TRHDE: variants seen among roughly 807,000 people sequenced by gnomAD.
The protein encoded by TRHDE is thyrotropin-releasing hormone-degrading ectoenzyme.
Under a neutral mutation model 125.7 loss-of-function variants are expected in TRHDE, and 72 were observed. That is an observed-to-expected ratio of 0.57 (90% CI 0.47 to 0.70). The LOEUF is 0.70. Among genes scored for constraint, TRHDE ranks in the 30% least tolerant of loss-of-function variants. TRHDE has a pLI of 0.00. For synonymous variants in TRHDE, 509 were observed against 509.1 expected (o/e 1.00, Z 0.00); for missense variants, 1,110 against 1,327.1 (o/e 0.84, Z 2.54).
At chr12:72,620,298 G>A (rs1872989897) in intron 13 of TRHDE, among the ~76,000 whole-genome samples, 1 of 148,074 alleles carries the variant, frequency 6.8e-6, no homozygotes, top group Admixed American at 6.8e-5. Flanking sequence ...ATTAAAGTGA[G>A]GGAGAGCCAA....
intron 12 of TRHDE, among the ~76,000 whole-genome samples, chr12:72,605,641 G>A (rs1326315448): frequency 2.0e-5 from 3 of 152,036 alleles, no homozygotes; most frequent in African/African-American, 7.2e-5. Flanking sequence ...CTCTAATTTG[G>A]AATACAGCAT....
At chr12:72,551,218 A>G (rs774925686) in intron 7 of TRHDE, among the ~76,000 whole-genome samples, 1 of 152,100 alleles carries the variant, frequency 6.6e-6, no homozygotes, top group African/African-American at 2.4e-5. Context: ...ACATGTTTTG[A>G]ACCTGGTTTA....
intron 5 of TRHDE, among the ~76,000 whole-genome samples, chr12:72,485,440 G>A (rs1877357504): frequency 1.3e-5 from 2 of 152,078 alleles, no homozygotes; most frequent in South Asian, 4.1e-4. Context: ...CCAGCAGCTG[G>A]TGCACCCACC....
At chr12:72,408,087 G>T (rs1873338887) in intron 3 of TRHDE, among the ~76,000 whole-genome samples, 1 of 152,202 alleles carries the variant, frequency 6.6e-6, no homozygotes, top group African/African-American at 2.4e-5. Flanking sequence ...GCATCACATT[G>T]TGACAGAGCA....
At chr12:72,563,150 T>C (rs1399754068) in intron 9 of TRHDE, 110 bp downstream of exon 9, 4 of 821,540 alleles carry the variant, frequency 4.9e-6, no homozygotes, top group Admixed American at 6.0e-5. Flanking sequence ...AAGTGAAATA[T>C]AGTTTTTGTT....
At chr12:72,316,439 C>T (rs948027557) in intron 2 of TRHDE, among the ~76,000 whole-genome samples, 18 of 152,080 alleles carry the variant, frequency 1.2e-4, no homozygotes, top group Admixed American at 1.2e-3. Flanking sequence ...GCTTATGTCC[C>T]AGCGACTTTT....
At chr12:72,486,025 C>T (rs10879433) in intron 5 of TRHDE, among the ~76,000 whole-genome samples, 14,850 of 152,220 alleles carry the variant, frequency 0.098, 1,007 homozygotes, top group African/African-American at 0.18. Flanking sequence ...ACCTCATACC[C>T]CACTGTGTTT....
intron 2 of TRHDE, among the ~76,000 whole-genome samples, chr12:72,244,149 T>C (rs1265995340): frequency 6.6e-6 from 1 of 152,194 alleles, no homozygotes. Context: ...TGTTTGCACA[T>C]TGGTGTATAG....
intron 2 of TRHDE, among the ~76,000 whole-genome samples, chr12:72,298,138 T>C (rs1448141278): frequency 1.3e-5 from 2 of 152,208 alleles, no homozygotes; most frequent in East Asian, 3.9e-4. Context: ...TAATAGAAGC[T>C]AATAGAAAGA....
intron 3 of TRHDE, among the ~76,000 whole-genome samples, chr12:72,408,601 T>C (rs984875434): frequency 1.3e-5 from 2 of 152,136 alleles, no homozygotes; most frequent in Non-Finnish European, 2.9e-5. Context: ...AAAGACTTGA[T>C]ATTATGATTA....
intron 12 of TRHDE, among the ~76,000 whole-genome samples, chr12:72,580,895 C>T (rs534819865): frequency 6.6e-6 from 1 of 152,242 alleles, no homozygotes; most frequent in South Asian, 2.1e-4. Context: ...TATATACATT[C>T]TATGAATAAA....
At chr12:72,200,013 G>A (rs1877523226) in intron 2 of TRHDE, among the ~76,000 whole-genome samples, 1 of 152,102 alleles carries the variant, frequency 6.6e-6, no homozygotes, top group African/African-American at 2.4e-5. Context: ...ATTTTAGTGG[G>A]GATGTATGTG....
intron 2 of TRHDE, among the ~76,000 whole-genome samples, chr12:72,372,077 T>C (rs1400755645): frequency 1.3e-5 from 2 of 152,128 alleles, no homozygotes; most frequent in Non-Finnish European, 2.9e-5. Flanking sequence ...TTTTAATGAT[T>C]GCCATTCTAA....
At chr12:72,547,405 G>A (rs1869469795) in intron 7 of TRHDE, among the ~76,000 whole-genome samples, 1 of 151,644 alleles carries the variant, frequency 6.6e-6, no homozygotes, top group Admixed American at 6.6e-5. Flanking sequence ...CTTTGAATGA[G>A]TTGATTTGAT....
At chr12:72,456,865 T>C (rs745451957) in intron 3 of TRHDE, among the ~76,000 whole-genome samples, 4 of 152,140 alleles carry the variant, frequency 2.6e-5, no homozygotes, top group Non-Finnish European at 5.9e-5. Context: ...TGTATTTCAT[T>C]TCTTGATCTA....
intron 2 of TRHDE, among the ~76,000 whole-genome samples, chr12:72,141,549 T>C (rs181063112): frequency 5.8e-4 from 89 of 152,322 alleles, no homozygotes; most frequent in African/African-American, 2.1e-3. Context: ...TAGGATGACT[T>C]GGCTTTTTAT....
Position 72,631,288 on chromosome 12 carries a change from C to T in TRHDE, c.2675+9537C>T, listed in dbSNP as rs570606424. Among the ~76,000 whole-genome samples the T allele has an allele frequency of 2.6e-5, 4 of 151,836 alleles. No homozygotes were observed. In the South Asian group the frequency reaches 8.3e-4, roughly 31 times the overall value. The stretch of plus-strand genomic sequence containing the variant: ...TTTTAAAATCTATTTCTCAGGTATA[C>T]CATCTCACAATGCAAAATGCCCCTT... On this transcript the variant is annotated intron_variant, in intron 15 of 18. Transcript: ENST00000261180.
In TRHDE at chr12:72,619,056, T is replaced by C. The variant is rs1872939305; in HGVS notation, c.2469+18T>C. 6.6e-7 allele frequency: 1 copy of C among 1,513,094 alleles called. No individual in the cohort carries two copies. The highest frequency in any genetic ancestry group is 8.8e-7 in the Non-Finnish European group (1 of 1,130,016). The allele number at this position is 1,513,094 out of a possible 1,614,324, so 93.7% of individuals were successfully genotyped here. A position where few individuals can be genotyped will look rare whatever the true frequency, so the allele number is the denominator to read the frequency against. On this transcript the variant is annotated intron_variant, in intron 13 of 18. Transcript: ENST00000261180. ...TTTTCAATGTAAAAAGATATAATTT[T>C]TCTTTCTAATTTTTAGAAGATACAC...
chr12:72,510,180 A>T (rs892827799), intron 6 of TRHDE, among the ~76,000 whole-genome samples: 1 of 152,142 alleles, frequency 6.6e-6, no homozygotes, highest in African/African-American at 2.4e-5. Context: ...ATTTTTCTAA[A>T]CAGGTCCTTC....
Sources: gnomAD v4.1 joint callset for allele counts (sites outside exome capture counted in the v4.1 genomes callset) on GRCh38, gnomAD v4.1.1 for gene constraint, MANE v1.5 for transcripts, NCBI Gene and HGNC (gene_info 2026-07-23, HGNC 2026-07-21) for gene names.